Variants in FAIM observed in about 807,000 individuals in gnomAD.
FAIM encodes Fas apoptotic inhibitory molecule.
FAIM carries 14 observed loss-of-function variants against 21.2 expected under a neutral mutation model. The observed-to-expected ratio is 0.66, with a 90% CI of 0.44 to 1.03. The LOEUF is 1.03. Ranked by LOEUF, FAIM falls within the 50% of genes least tolerant of loss-of-function variation. The pLI is 0.00. For missense variants in FAIM, 222 were observed against 247.1 expected (o/e 0.90, Z 0.68); for synonymous variants, 86 against 80.4 (o/e 1.07, Z -0.37).
intron 1 of FAIM, among the ~76,000 whole-genome samples, chr3:138,614,856 C>T (rs889521057): frequency 6.6e-6 from 1 of 151,450 alleles, no homozygotes; most frequent in Non-Finnish European, 1.5e-5. Flanking sequence ...TGGGAGGATC[C>T]TTTGGGCCCA....
chr3:138,610,123 G>C (rs1560491412), intron 1 of FAIM, among the ~76,000 whole-genome samples: 1 of 152,272 alleles, frequency 6.6e-6, no homozygotes, highest in East Asian at 1.9e-4. Context: ...AGGGAACCAT[G>C]AGCATCTTAG....
chr3:138,632,793 A>G (rs947538214), intron 5 of FAIM, 137 bp from the exon 6 acceptor site: 2 of 790,264 alleles, frequency 2.5e-6, no homozygotes, highest in Non-Finnish European at 3.8e-6. Context: ...TACAAGCTTT[A>G]GACTTTGTTT....
chr3:138,614,454 A>G (rs1394440473), intron 1 of FAIM, among the ~76,000 whole-genome samples: 1 of 152,076 alleles, frequency 6.6e-6, no homozygotes, highest in Non-Finnish European at 1.5e-5. Context: ...AAACAAAAAA[A>G]AAGAAGGATT....
intron 5 of FAIM, chr3:138,631,278 A>C (rs1560501585): frequency 6.6e-6 from 1 of 151,548 alleles, no homozygotes; most frequent in Non-Finnish European, 1.5e-5. Flanking sequence ...TTAGCTGTGT[A>C]TGGTGGTGTG....
At chr3:138,616,155 G>T (rs1027170429) in intron 1 of FAIM, among the ~76,000 whole-genome samples, 2 of 152,150 alleles carry the variant, frequency 1.3e-5, no homozygotes, top group African/African-American at 4.8e-5. Flanking sequence ...GCTAGACCAG[G>T]TGATTTTATT....
chr3:138,630,353 C>T (rs1267047596), intron 5 of FAIM: 1 of 152,126 alleles, frequency 6.6e-6, no homozygotes, highest in Non-Finnish European at 1.5e-5. Context: ...CGTGGTAGCA[C>T]AGGTCTGTAG....
chr3:138,618,319 C>T lies in FAIM; in HGVS notation c.-16-1392C>T, dbSNP rs62280705. On this transcript the variant is annotated intron_variant, in intron 1 of 5. Transcript: ENST00000360570. ...ATTTATCTAGTTTTTATTCTAAAAT[C>T]CTTGGCTTTTCTGGCCCGTTGGATT... 2.2e-4 allele frequency among the ~76,000 whole-genome samples: 34 copies of T among 152,116 alleles called. 1 individual carries two copies. In the South Asian group the frequency reaches 5.2e-3, roughly 23 times the overall value.
intron 1 of FAIM, chr3:138,610,545 G>T (rs1301189259): frequency 6.4e-6 from 1 of 157,324 alleles, no homozygotes; most frequent in Non-Finnish European, 1.4e-5. Context: ...ATGCATAAGA[G>T]TTTAAAAACA....
At chr3:138,613,616 T>C (rs572239153) in intron 1 of FAIM, among the ~76,000 whole-genome samples, 2 of 152,198 alleles carry the variant, frequency 1.3e-5, no homozygotes, top group African/African-American at 4.8e-5. Flanking sequence ...CCCATGTAGC[T>C]GGGACTACAG....
chr3:138,624,358 CAGTT>C (rs1340448687), intron 4 of FAIM, among the ~76,000 whole-genome samples: 1 of 152,158 alleles, frequency 6.6e-6, no homozygotes, highest in African/African-American at 2.4e-5. Flanking sequence ...GCCTAGCATA[CAGTT>C]AGTTCTCTTT....
In FAIM at chr3:138,627,784, C is replaced by G. The variant is rs1445629457; in HGVS notation, c.407-1323C>G. 2.0e-5 allele frequency among the ~76,000 whole-genome samples: 3 copies of G among 152,116 alleles called. No homozygotes were observed. In the East Asian group the frequency reaches 5.8e-4, roughly 29 times the overall value. ...ATCTCCTGGACCCCTCTGGCTTTCT[C>G]TTTTTCCATCTAGCGCACCTCAAAG... On this transcript the variant is annotated intron_variant, in intron 4 of 5. Transcript: ENST00000360570.
Position 138,632,921 on chromosome 3 carries a change from T to C in FAIM, c.457-9T>C. The C allele has an allele frequency of 6.2e-7, 1 of 1,610,252 alleles. No individual in the cohort carries two copies. Among genetic ancestry groups the C allele is most frequent in the Non-Finnish European group, 8.5e-7 (1 of 1,178,544 alleles). ...GCACCACTAATTCCTTCTTCTTTTGTTGCTCCAGGGTGAGTTTGTAGATGA... is the reference window on the plus strand; with the variant it reads ...GCACCACTAATTCCTTCTTCTTTTGCTGCTCCAGGGTGAGTTTGTAGATGA... On this transcript the variant is annotated splice_polypyrimidine_tract_variant and intron_variant, in intron 5 of 5. Transcript: ENST00000360570.
chr3:138,624,573 G>T (rs2042921108), intron 4 of FAIM, among the ~76,000 whole-genome samples: 1 of 152,154 alleles, frequency 6.6e-6, no homozygotes, highest in African/African-American at 2.4e-5. Flanking sequence ...GTTGTTTACT[G>T]AGGTAAAGGC....
At chr3:138,628,465 T>TTTTATTTATTTATTTA (rs58887564) in intron 4 of FAIM, among the ~76,000 whole-genome samples, 137 of 149,184 alleles carry the variant, frequency 9.2e-4, no homozygotes, top group African/African-American at 3.3e-3. Flanking sequence ...CATCCTTCTT[T>TTTTATTTATTTATTTA]TTTATTTATT....
intron 1 of FAIM, among the ~76,000 whole-genome samples, chr3:138,619,351 C>T (rs893732309): frequency 6.6e-6 from 1 of 152,204 alleles, no homozygotes; most frequent in African/African-American, 2.4e-5. Flanking sequence ...TCTTACGCTT[C>T]AACTTGAAAA....
intron 5 of FAIM, 23 bp downstream of exon 5, chr3:138,629,179 C>CT (rs773938440): frequency 1.3e-6 from 2 of 1,586,184 alleles, no homozygotes; most frequent in Middle Eastern, 1.7e-4. Context: ...TTTGATGACT[C>CT]TAAGTGCCAT....
In FAIM at chr3:138,608,882, C is replaced by T. The variant is rs967632156; in HGVS notation, c.-72C>T. On this transcript the variant is annotated 5_prime_UTR_variant, in exon 1 of 6. Transcript: ENST00000360570. The stretch of plus-strand genomic sequence containing the variant: ...GCGGCCTACGCAGCCGAGTCGGAAC[C>T]AACCGGTTGTTTGGTGAAACCTACC... The T allele has an allele frequency of 6.6e-6, 1 of 152,426 alleles. No individual in the cohort carries two copies. The highest frequency in any genetic ancestry group is 2.4e-5 in the African/African-American group (1 of 41,470). 9.4% of individuals were successfully genotyped at this position (152,426 alleles called of 1,614,324 possible).
In FAIM at chr3:138,632,927, C is replaced by G; in HGVS notation, c.457-3C>G. 2 of 1,611,292 alleles carry G rather than the reference C, an allele frequency of 1.2e-6. No individual in the cohort carries two copies. Among genetic ancestry groups the G allele is most frequent in the Non-Finnish European group, 1.7e-6 (2 of 1,178,826 alleles). ...CTAATTCCTTCTTCTTTTGTTGCTC[C>G]AGGGTGAGTTTGTAGATGATGGGAC... On this transcript the variant is annotated splice_region_variant and splice_polypyrimidine_tract_variant and intron_variant, in intron 5 of 5. Transcript: ENST00000360570.
At position 138,617,645 on chromosome 3, in the gene FAIM, C is replaced by CTA. The variant is rs1443467943; in HGVS notation, c.-16-2057_-16-2056dup. On this transcript the variant is annotated intron_variant, in intron 1 of 5. Coordinates refer to ENST00000360570, the MANE Select transcript of FAIM (RefSeq NM_001033031.2). ...TCTATAATAGATCTATATATCATAT[C>CTA]TATATATATAATATATATATATATG... 1.1e-4 allele frequency among the ~76,000 whole-genome samples: 14 copies of CTA among 122,694 alleles called. 1 individual carries two copies. Among genetic ancestry groups the CTA allele is most frequent in the South Asian group, 5.2e-4 (2 of 3,832 alleles). The allele number at this position is 122,694 out of a possible 152,430, so 80.5% of individuals were successfully genotyped here. A position where few individuals can be genotyped will look rare whatever the true frequency, so the allele number is the denominator to read the frequency against.
Sources: allele counts gnomAD v4.1 joint callset (sites outside exome capture counted in the v4.1 genomes callset), GRCh38; gene constraint gnomAD v4.1.1; transcripts MANE v1.5; gene names NCBI Gene and HGNC (gene_info 2026-07-23, HGNC 2026-07-21).